The following NAV3 variants were observed in gnomAD, a reference collection of about 807,000 sequenced individuals.
The protein encoded by NAV3 is neuron navigator 3.
In NAV3, 87 loss-of-function variants were observed where a neutral mutation model predicts 244.7. The observed-to-expected ratio is 0.36, with a 90% confidence interval of 0.30 to 0.42. The LOEUF (loss-of-function observed/expected upper bound fraction) is 0.42. Ranked by LOEUF, NAV3 falls within the 20% of genes least tolerant of loss-of-function variation. The probability of loss-of-function intolerance (pLI) is 1.00; values close to 1 mark genes in which losing one functional copy is unlikely to be tolerated. For synonymous variants in NAV3, 1,126 were observed against 1,042.2 expected, an observed-to-expected ratio of 1.08 and a Z score of -1.55; for missense variants, 2,663 against 2,893.3, an observed-to-expected ratio of 0.92 and a Z score of 1.83.
intron 12 of NAV3, among the ~76,000 whole-genome samples, chr12:78,110,685 A>G (rs76146315): frequency 0.12 from 18,754 of 151,886 alleles, 1,261 homozygotes; most frequent in East Asian, 0.26. Flanking sequence ...CCATATATAT[A>G]TATATATAGT....
At chr12:78,100,857 A>C (rs1954502794) in intron 12 of NAV3, among the ~76,000 whole-genome samples, 2 of 151,976 alleles carry the variant, frequency 1.3e-5, no homozygotes, top group Admixed American at 1.3e-4. Flanking sequence ...ACCCTTTTTG[A>C]CAATATCTAC....
chr12:77,941,273 G>A, intron 3 of NAV3, 140 bp downstream of exon 3: 2 of 600,420 alleles, frequency 3.3e-6, no homozygotes, highest in Non-Finnish European at 2.9e-6. Flanking sequence ...ATATGTATTT[G>A]TGTGGGTTCA....
At chr12:77,682,055 C>A (rs1874495493) in intron 2 of NAV3, among the ~76,000 whole-genome samples, 1 of 152,086 alleles carries the variant, frequency 6.6e-6, no homozygotes, top group African/African-American at 2.4e-5. Context: ...ACTGCAGTCA[C>A]CATGATGATA....
chr12:78,185,450 TG>T, intron 30 of NAV3, 150 bp from the exon 31 acceptor site: 1 of 603,772 alleles, frequency 1.7e-6, no homozygotes, highest in Non-Finnish European at 2.8e-6. Context: ...ATTCATCTTC[TG>T]GAAAGCTGAG....
intron 9 of NAV3, chr12:78,037,503 T>C: frequency 1.7e-6 from 1 of 594,166 alleles, no homozygotes; most frequent in East Asian, 2.8e-5. Flanking sequence ...TTTTTAAAAA[T>C]ACATAGTTAC....
At chr12:77,822,729 C>T (rs1182295808) in intron 2 of NAV3, among the ~76,000 whole-genome samples, 2 of 152,096 alleles carry the variant, frequency 1.3e-5, no homozygotes. Flanking sequence ...GTCCTGAAGA[C>T]AATCTATTCA....
intron 9 of NAV3, among the ~76,000 whole-genome samples, chr12:78,025,595 CAAAAAAAA>C (rs1186694789): frequency 1.9e-3 from 103 of 55,578 alleles, no homozygotes; most frequent in African/African-American, 7.6e-3. Context: ...GACTCCATCT[CAAAAAAAA>C]AAAAAAAAAA....
In NAV3 at chr12:78,007,373, G is replaced by A. The variant is rs1874418060; in HGVS notation, c.1835G>A (p.Gly612Asp). 6.2e-7 allele frequency: 1 copy of A among 1,614,162 alleles called. No homozygotes were observed. The part of the protein sequence containing the change: ...AQSSGQSTGN[G>D]AVQLPQQQQH... ...AGCAGTGGGCAGAGCACAGGAAATG[G>A]TGCTGTCCAACTCCCTCAACAGCAG... Residue 612 changes from glycine to aspartate, a missense_variant, in exon 8 of 40, where the codon GGT (glycine) becomes GAT (aspartate). By Grantham distance (94) the Gly-to-Asp change is moderately conservative. Coordinates refer to ENST00000397909, the MANE Select transcript of NAV3 (RefSeq NM_001024383.2).
At chr12:77,805,172 C>G (rs1203157970) in intron 2 of NAV3, among the ~76,000 whole-genome samples, 5 of 152,116 alleles carry the variant, frequency 3.3e-5, no homozygotes. Flanking sequence ...TTTCTCTTGC[C>G]TGATTGTCCT....
intron 22 of NAV3, among the ~76,000 whole-genome samples, chr12:78,155,228 G>A (rs1236747656): frequency 1.3e-5 from 2 of 152,072 alleles, no homozygotes; most frequent in African/African-American, 4.8e-5. Flanking sequence ...ATGTGCCCAC[G>A]TGTTCTCATC....
At chr12:77,985,316 G>A (rs1005364935) in intron 5 of NAV3, among the ~76,000 whole-genome samples, 6 of 152,096 alleles carry the variant, frequency 3.9e-5, no homozygotes, top group African/African-American at 1.2e-4. Context: ...CAATCTTCAT[G>A]TTTGTCAGAA....
In NAV3 at chr12:77,792,807, A is replaced by T. The variant is rs139292506; in HGVS notation, c.73-147512A>T. ...TTCCCTTAAAATCTTTGTACACTTAATCTCATCTTGATGTCTGCCTCTAAG... is the reference window on the plus strand; with the variant it reads ...TTCCCTTAAAATCTTTGTACACTTATTCTCATCTTGATGTCTGCCTCTAAG... On this transcript the variant is annotated intron_variant, in intron 2 of 8. Coordinates refer to the NAV3 transcript ENST00000550042. 2.3e-4 allele frequency among the ~76,000 whole-genome samples: 35 copies of T among 152,190 alleles called. No individual in the cohort carries two copies. The East Asian group carries it at 6.4e-3, about 28-fold the overall frequency.
At chr12:77,788,507 T>G (rs148401233) in intron 2 of NAV3, among the ~76,000 whole-genome samples, 6 of 152,274 alleles carry the variant, frequency 3.9e-5, no homozygotes, top group African/African-American at 1.4e-4. Flanking sequence ...TTGGATTACA[T>G]GATCTCTACG....
chr12:77,956,128 T>C (rs1484534692), intron 3 of NAV3, among the ~76,000 whole-genome samples: 1 of 152,102 alleles, frequency 6.6e-6, no homozygotes, highest in Non-Finnish European at 1.5e-5. Flanking sequence ...CCAGAAAAAA[T>C]TTATGTCTAG....
chr12:78,075,349 G>A (rs1952991960), intron 12 of NAV3, among the ~76,000 whole-genome samples: 1 of 152,096 alleles, frequency 6.6e-6, no homozygotes, highest in African/African-American at 2.4e-5. Flanking sequence ...TAAAATGAAT[G>A]AAACTAACAG....
chr12:77,935,717 G>T (rs540492616), intron 1 of NAV3, among the ~76,000 whole-genome samples: 22 of 152,222 alleles, frequency 1.4e-4, no homozygotes, highest in Non-Finnish European at 7.4e-5. Flanking sequence ...AGGAAAAGAG[G>T]TTTAATAGAC....
At chr12:77,742,011 C>A (rs896387559) in intron 2 of NAV3, among the ~76,000 whole-genome samples, 1 of 152,002 alleles carries the variant, frequency 6.6e-6, no homozygotes, top group Non-Finnish European at 1.5e-5. Flanking sequence ...ACAAAGTTTT[C>A]TTTGATTATT....
chr12:78,067,257 A>G (rs569374234), intron 12 of NAV3, among the ~76,000 whole-genome samples: 1 of 152,232 alleles, frequency 6.6e-6, no homozygotes, highest in South Asian at 2.1e-4. Flanking sequence ...GGCTCTCCAT[A>G]GTAATTAAAA....
rs760454493 is a variant in NAV3 at position 78,181,006 on chromosome 12, T to G, written c.5653T>G (p.Ser1885Ala). The G allele has an allele frequency of 6.2e-7, 1 of 1,613,086 alleles. No homozygotes were observed. The highest frequency in any genetic ancestry group is 8.5e-7 in the Non-Finnish European group (1 of 1,179,406). ...SSSSRQSLGLSLNNLNITEAV... is the reference protein window; with the variant it reads ...SSSSRQSLGLALNNLNITEAV... Reference sequence around the variant, plus strand: ...ATCTTCCAGGCAGTCATTAGGACTTTCTCTAAACAATTTGAACATCACAGA... The same window carrying G: ...ATCTTCCAGGCAGTCATTAGGACTTGCTCTAAACAATTTGAACATCACAGA... The change falls in exon 30 of 40, where the codon TCT (serine) becomes GCT (alanine). Residue 1885 changes from serine (S) to alanine (A), a missense_variant. Around this residue, in one of 6 missense-constraint regions of NAV3, gnomAD observed 543 missense variants for 672.4 expected, o/e 0.81. Transcript: ENST00000397909.
Sources: allele counts gnomAD v4.1 joint callset (sites outside exome capture counted in the v4.1 genomes callset), GRCh38; gene constraint gnomAD v4.1.1; regional missense constraint gnomAD v4.1.1; transcripts MANE v1.5; gene names NCBI Gene and HGNC (gene_info 2026-07-23, HGNC 2026-07-21).